The following RNLS variants were observed in gnomAD, a reference collection of about 807,000 sequenced individuals.
The protein encoded by RNLS is renalase.
A neutral mutation model predicts 39.8 loss-of-function variants in RNLS; 39 were observed. The ratio of observed to expected loss-of-function variants is 0.98; its 90% CI spans 0.76 to 1.28. The LOEUF is 1.28. Ranked by LOEUF, RNLS falls within the 50% of genes most tolerant of loss-of-function variation. The probability of loss-of-function intolerance (pLI) is 0.00; values close to 1 mark genes in which losing one functional copy is unlikely to be tolerated. For missense variants in RNLS, 410 were observed against 413.3 expected (o/e 0.99, Z 0.07); for synonymous variants, 147 against 150.7 (o/e 0.98, Z 0.18).
the RNLS span, among the ~76,000 whole-genome samples, chr10:88,188,782 A>G: frequency 5.3e-5 from 8 of 152,208 alleles, no homozygotes; most frequent in Non-Finnish European, 7.3e-5. Flanking sequence ...CAACATAAAT[A>G]AAAAGAACAG....
intron 6 of RNLS, chr10:88,309,462 C>T (rs1160646238): frequency 1.6e-6 from 2 of 1,289,674 alleles, no homozygotes; most frequent in Admixed American, 2.3e-5. Context: ...ATCCACTTCC[C>T]CCACCAAACA....
the RNLS span, among the ~76,000 whole-genome samples, chr10:88,264,874 G>T: frequency 6.6e-6 from 1 of 152,056 alleles, no homozygotes; most frequent in Non-Finnish European, 1.5e-5. Flanking sequence ...TTTTTGTTGC[G>T]ATTGCTTTTG....
chr10:88,391,695 A>G (rs1380887106), intron 4 of RNLS, among the ~76,000 whole-genome samples: 1 of 152,130 alleles, frequency 6.6e-6, no homozygotes, highest in Non-Finnish European at 1.5e-5. Context: ...GACTCTGAAA[A>G]CCCTCTCCTC....
chr10:88,528,850 C>T (rs1363636523), intron 4 of RNLS, among the ~76,000 whole-genome samples: 6 of 118,872 alleles, frequency 5.0e-5, no homozygotes, highest in Non-Finnish European at 1.1e-4. Context: ...AAGACTCCGT[C>T]TCAAAAAAAA....
chr10:88,538,259 T>C (rs1324476146), intron 4 of RNLS, among the ~76,000 whole-genome samples: 2 of 152,188 alleles, frequency 1.3e-5, no homozygotes, highest in African/African-American at 2.4e-5. Context: ...AGATTGACTC[T>C]TAGCCCAGAA....
the RNLS span, among the ~76,000 whole-genome samples, chr10:88,199,690 C>T: frequency 6.6e-6 from 1 of 152,058 alleles, no homozygotes; most frequent in Admixed American, 6.6e-5. Context: ...CTGGCCTTCA[C>T]CTCCCATATA....
intron 6 of RNLS, among the ~76,000 whole-genome samples, chr10:88,277,504 C>G (rs1842854764): frequency 6.6e-6 from 1 of 152,102 alleles, no homozygotes; most frequent in African/African-American, 2.4e-5. Flanking sequence ...TAGTCCTTTG[C>G]ATTCCATTTT....
chr10:88,285,420 C>T lies in RNLS; in HGVS notation c.963G>A (p.Gln321=), dbSNP rs749939977. The change falls in exon 7 of 7, where the codon CAG becomes CAA. Residue 321 remains glutamine (Q), a synonymous_variant. Transcript: ENST00000331772. ...FLACGGDGFT[Q]SNFDGCITSA... is the part of the protein sequence containing the mutation. Reference sequence around the variant, plus strand: ...AAGTGATGCAGCCATCAAAGTTGGACTGAGTAAATCCATCCCCTCCACATG... The same window carrying T: ...AAGTGATGCAGCCATCAAAGTTGGATTGAGTAAATCCATCCCCTCCACATG... The T allele has an allele frequency of 1.2e-6, 2 of 1,613,226 alleles. No individual in the cohort carries two copies. Among genetic ancestry groups the T allele is most frequent in the Admixed American group, 3.3e-5 (2 of 59,890 alleles).
At chr10:88,450,092 A>C (rs2133890776) in intron 4 of RNLS, among the ~76,000 whole-genome samples, 1 of 152,136 alleles carries the variant, frequency 6.6e-6, no homozygotes, top group South Asian at 2.1e-4. Context: ...TAACATGTGG[A>C]AGTTATATAA....
At chr10:88,331,788 G>A (rs1468260345) in intron 5 of RNLS, among the ~76,000 whole-genome samples, 1 of 152,130 alleles carries the variant, frequency 6.6e-6, no homozygotes, top group East Asian at 1.9e-4. Context: ...AGCCACGAGA[G>A]TTACTACAAT....
intron 5 of RNLS, chr10:88,343,563 T>C (rs1211242826): frequency 7.1e-6 from 7 of 985,124 alleles, no homozygotes; most frequent in Non-Finnish European, 7.2e-6. Flanking sequence ...CTCAAAAATA[T>C]ATTCTGAATT....
the RNLS span, among the ~76,000 whole-genome samples, chr10:88,255,404 G>A: frequency 6.6e-6 from 1 of 152,180 alleles, no homozygotes; most frequent in Non-Finnish European, 1.5e-5. Context: ...AGATCACAGA[G>A]GCATTTGAAG....
chr10:88,350,425 C>T (rs1848608620), intron 5 of RNLS, among the ~76,000 whole-genome samples: 1 of 152,118 alleles, frequency 6.6e-6, no homozygotes, highest in Non-Finnish European at 1.5e-5. Flanking sequence ...TGTTCTCCTT[C>T]CTGTGTCCAA....
chr10:88,433,877 T>A lies in RNLS; in HGVS notation c.527-71152A>T, dbSNP rs139120808. 2.4e-3 allele frequency among the ~76,000 whole-genome samples: 371 copies of A among 152,280 alleles called. 2 individuals carry two copies. The highest frequency in any genetic ancestry group is 8.5e-3 in the African/African-American group (352 of 41,570). ...TAATGTAATGCAATATGCTTATAAT[T>A]ATTTCATCCCAGGCTTGCTATTTTA... On this transcript the variant is annotated intron_variant, in intron 4 of 6. Transcript: ENST00000331772.
At chr10:88,266,672 A>C in the RNLS span, among the ~76,000 whole-genome samples, 1 of 149,602 alleles carries the variant, frequency 6.7e-6, no homozygotes, top group South Asian at 2.1e-4. Flanking sequence ...CCTACTTCCA[A>C]GGCAATCTCT....
intron 4 of RNLS, among the ~76,000 whole-genome samples, chr10:88,523,844 C>T (rs1846908391): frequency 6.6e-6 from 1 of 152,094 alleles, no homozygotes; most frequent in South Asian, 2.1e-4. Flanking sequence ...CCTCCCTTAC[C>T]ATTGAGCCAG....
At chr10:88,343,893 G>A in intron 5 of RNLS, 1 of 878,262 alleles carries the variant, frequency 1.1e-6, no homozygotes, top group Non-Finnish European at 1.4e-6. Flanking sequence ...ACTCACATTT[G>A]GTTTTCCAGG....
the RNLS span, among the ~76,000 whole-genome samples, chr10:88,261,520 C>T: frequency 6.6e-6 from 1 of 152,110 alleles, no homozygotes; most frequent in Non-Finnish European, 1.5e-5. Flanking sequence ...GAAAGAGTAC[C>T]TCTTATTAGA....
At chr10:88,468,031 C>T (rs888518847) in intron 4 of RNLS, among the ~76,000 whole-genome samples, 1 of 152,140 alleles carries the variant, frequency 6.6e-6, no homozygotes, top group African/African-American at 2.4e-5. Context: ...ATCTGCTTAA[C>T]ATTCCTTGAA....
Sources: allele counts gnomAD v4.1 joint callset (sites outside exome capture counted in the v4.1 genomes callset), GRCh38; gene constraint gnomAD v4.1.1; transcripts MANE v1.5; gene names NCBI Gene and HGNC (gene_info 2026-07-23, HGNC 2026-07-21).